SEZ6L: variants seen among roughly 807,000 people sequenced by gnomAD.
SEZ6L encodes the protein seizure related 6 homolog like.
A neutral mutation model predicts 106.2 loss-of-function variants in SEZ6L; 37 were observed. That is an observed-to-expected ratio of 0.35 (90% CI 0.27 to 0.46). The LOEUF (loss-of-function observed/expected upper bound fraction) is 0.46. Ranked by LOEUF, SEZ6L falls within the 20% of genes least tolerant of loss-of-function variation. The pLI, the probability that SEZ6L is intolerant of heterozygous loss-of-function variation, is 1.00. For synonymous variants in SEZ6L, 541 were observed against 570.4 expected, an observed-to-expected ratio of 0.95 and a Z score of 0.73; for missense variants, 1,172 against 1,332.8, an observed-to-expected ratio of 0.88 and a Z score of 1.88.
rs1250726508 is a variant in SEZ6L, at chr22:26,311,870, A to G, written c.1784A>G (p.Asp595Gly). 1 of 1,613,782 alleles carries G rather than the reference A, an allele frequency of 6.2e-7. No homozygotes were observed. The highest frequency in any genetic ancestry group is 8.5e-7 in the Non-Finnish European group (1 of 1,179,954). ...GGGACTATAGTGGAGTTCACCTGCG[A>G]CCCCGGCCACTCCCTGGAGCAGGGC... is the stretch of plus-strand genomic sequence containing the variant. ...NIGTIVEFTC[D>G]PGHSLEQGPA... is the part of the protein sequence containing the mutation. The change falls in exon 8 of 17, where the codon GAC becomes GGC. Residue 595 changes from aspartate (D) to glycine (G), a missense_variant. Asp to Gly is a moderately conservative substitution (Grantham distance 94). This residue lies in a region of SEZ6L where 534 missense variants were observed against 691.0 expected (regional missense o/e 0.77). Coordinates refer to ENST00000248933, the MANE Select transcript of SEZ6L (RefSeq NM_021115.5).
At chr22:26,294,942 T>G (rs1276962115) in intron 3 of SEZ6L, among the ~76,000 whole-genome samples, 3 of 150,448 alleles carry the variant, frequency 2.0e-5, no homozygotes, top group African/African-American at 7.5e-5. Flanking sequence ...TCTCTTTCTT[T>G]CTTTCTTTCT....
chr22:26,277,235 A>G (rs1452496489), intron 1 of SEZ6L, among the ~76,000 whole-genome samples: 1 of 151,888 alleles, frequency 6.6e-6, no homozygotes, highest in African/African-American at 2.4e-5. Context: ...AAGCACTAGG[A>G]TTACAGGTGT....
intron 1 of SEZ6L, among the ~76,000 whole-genome samples, chr22:26,189,579 A>G (rs966366212): frequency 2.7e-5 from 4 of 149,982 alleles, no homozygotes; most frequent in African/African-American, 7.6e-5. Context: ...ATATACTATA[A>G]CAACTATTTA....
chr22:26,233,447 A>C (rs1295023585), intron 1 of SEZ6L, among the ~76,000 whole-genome samples: 1 of 152,234 alleles, frequency 6.6e-6, no homozygotes, highest in Non-Finnish European at 1.5e-5. Context: ...TAATAAGGAA[A>C]GAGGAGGGCT....
intron 11 of SEZ6L, among the ~76,000 whole-genome samples, chr22:26,349,482 T>TTG (rs146817852): frequency 6.6e-6 from 1 of 151,924 alleles, no homozygotes; most frequent in Non-Finnish European, 1.5e-5. Context: ...ATTGCTTCAA[T>TTG]TGTGTGTGTG....
At position 26,200,249 on chromosome 22, in the gene SEZ6L, C is replaced by T. The variant is rs373845638; in HGVS notation, c.94+30486C>T. On this transcript the variant is annotated intron_variant, in intron 1 of 16. Coordinates refer to ENST00000248933, the MANE Select transcript of SEZ6L (RefSeq NM_021115.5). ...GATGGTGTGTGTATATGTTTGTGTG[C>T]GTGTATGTGTTTGCATGTATGTGTA... Among the ~76,000 whole-genome samples, 71 of 151,958 alleles carry T rather than the reference C, an allele frequency of 4.7e-4. 1 individual carries two copies. Among genetic ancestry groups the T allele is most frequent in the East Asian group, 3.3e-3 (17 of 5,174 alleles).
At chr22:26,322,367 C>T (rs746236895) in intron 9 of SEZ6L, among the ~76,000 whole-genome samples, 6 of 152,122 alleles carry the variant, frequency 3.9e-5, no homozygotes, top group African/African-American at 9.7e-5. Flanking sequence ...CTGTGTGTCT[C>T]GGCAATGTAG....
At chr22:26,246,389 G>A (rs1256859887) in intron 1 of SEZ6L, among the ~76,000 whole-genome samples, 1 of 152,130 alleles carries the variant, frequency 6.6e-6, no homozygotes, top group African/African-American at 2.4e-5. Flanking sequence ...TTGAAAGGAA[G>A]AAAAGAAAGA....
intron 7 of SEZ6L, 149 bp from the exon 8 acceptor site, chr22:26,311,619 A>C: frequency 1.4e-6 from 1 of 732,308 alleles, no homozygotes; most frequent in Non-Finnish European, 2.3e-6. Flanking sequence ...CAGGGTTCTC[A>C]ACACGTCAGC....
rs1434865479 is a variant in SEZ6L, at chr22:26,382,810, T to C, written c.*2515T>C. The C allele has an allele frequency of 6.6e-6, 1 of 152,202 alleles. No homozygotes were observed. The highest frequency in any genetic ancestry group is 1.9e-4 in the East Asian group (1 of 5,198). 9.4% of individuals were successfully genotyped at this position (152,202 alleles called of 1,614,324 possible). On this transcript the variant is annotated 3_prime_UTR_variant, in exon 17 of 17. Transcript: ENST00000248933. ...TGTACGTCTGTTTTTATAAGATCAATATTAAAACCCATTGGGATTAAATAT... is the reference window on the plus strand; with the variant it reads ...TGTACGTCTGTTTTTATAAGATCAACATTAAAACCCATTGGGATTAAATAT...
At chr22:26,288,257 A>T (rs1473120018) in intron 1 of SEZ6L, among the ~76,000 whole-genome samples, 2 of 152,230 alleles carry the variant, frequency 1.3e-5, no homozygotes, top group Non-Finnish European at 1.5e-5. Context: ...ACACATAGTA[A>T]GTCAGGTGGG....
intron 1 of SEZ6L, among the ~76,000 whole-genome samples, chr22:26,243,455 A>T (rs1436139463): frequency 6.6e-6 from 1 of 152,238 alleles, no homozygotes. Flanking sequence ...GGTGCACAGC[A>T]TTCTGACAGA....
At chr22:26,188,955 G>A (rs1290361771) in intron 1 of SEZ6L, among the ~76,000 whole-genome samples, 1 of 152,192 alleles carries the variant, frequency 6.6e-6, no homozygotes, top group Non-Finnish European at 1.5e-5. Flanking sequence ...ATTAATACAT[G>A]TAATTCTGCC....
intron 3 of SEZ6L, among the ~76,000 whole-genome samples, chr22:26,296,227 T>C (rs1481754653): frequency 6.6e-6 from 1 of 152,134 alleles, no homozygotes; most frequent in African/African-American, 2.4e-5. Context: ...AAAGCAAGTG[T>C]CTGATTCTTT....
intron 12 of SEZ6L, 109 bp from the exon 13 acceptor site, chr22:26,365,263 G>A: frequency 5.8e-6 from 5 of 856,674 alleles, no homozygotes; most frequent in Non-Finnish European, 7.3e-6. Context: ...TGGGGATGCA[G>A]AGAGAGGATG....
At chr22:26,226,307 C>A (rs537601364) in intron 1 of SEZ6L, among the ~76,000 whole-genome samples, 1 of 152,364 alleles carries the variant, frequency 6.6e-6, no homozygotes, top group Admixed American at 6.5e-5. Flanking sequence ...CTGTTCCCAG[C>A]ATGGTCTGGT....
At chr22:26,175,978 A>G (rs1938973119) in intron 1 of SEZ6L, among the ~76,000 whole-genome samples, 1 of 152,234 alleles carries the variant, frequency 6.6e-6, no homozygotes, top group South Asian at 2.1e-4. Flanking sequence ...TGAAGACCTC[A>G]AACACCCCCA....
chr22:26,367,019 T>C (rs1041681668), intron 13 of SEZ6L, among the ~76,000 whole-genome samples: 4 of 152,268 alleles, frequency 2.6e-5, no homozygotes, highest in African/African-American at 9.6e-5. Context: ...TTGAATGTCA[T>C]TGTGTACTAA....
intron 3 of SEZ6L, among the ~76,000 whole-genome samples, chr22:26,295,078 T>A (rs1245762005): frequency 1.3e-5 from 2 of 152,190 alleles, no homozygotes; most frequent in Non-Finnish European, 2.9e-5. Context: ...ATCTGGGTTT[T>A]AAGTCCTACC....
Sources: gnomAD v4.1 joint callset for allele counts (sites outside exome capture counted in the v4.1 genomes callset) on GRCh38, gnomAD v4.1.1 for gene constraint, gnomAD v4.1.1 regional missense constraint, MANE v1.5 for transcripts, NCBI Gene and HGNC (gene_info 2026-07-23, HGNC 2026-07-21) for gene names.